CSF1R: variants seen among roughly 807,000 people sequenced by gnomAD.
CSF1R encodes macrophage colony-stimulating factor 1 receptor.
In CSF1R, 40 loss-of-function variants were observed where a neutral mutation model predicts 110.0. That is an observed-to-expected ratio of 0.36 (90% CI 0.28 to 0.47). The LOEUF is 0.47. CSF1R is among the 20% of genes least tolerant of loss of function. The probability of loss-of-function intolerance (pLI) is 0.99; values close to 1 mark genes in which losing one functional copy is unlikely to be tolerated. For missense variants in CSF1R, 1,052 were observed against 1,253.0 expected (o/e 0.84, Z 2.42); for synonymous variants, 523 against 503.4 (o/e 1.04, Z -0.52).
At chr5:150,063,658 G>C (rs368783614) in intron 10 of CSF1R, among the ~76,000 whole-genome samples, 1 of 152,092 alleles carries the variant, frequency 6.6e-6, no homozygotes, top group African/African-American at 2.4e-5. Flanking sequence ...CTGGGATGTG[G>C]GGAGGAGGAA....
chr5:150,059,950 T>C, intron 13 of CSF1R, 88 bp from the exon 14 acceptor site: 1 of 1,431,946 alleles, frequency 7.0e-7, no homozygotes, highest in South Asian at 1.3e-5. Context: ...GTGAGGCCAC[T>C]GGACTTGGAC....
chr5:150,099,020 A>C (rs1318478555), intron 1 of CSF1R, among the ~76,000 whole-genome samples: 1 of 150,746 alleles, frequency 6.6e-6, no homozygotes, highest in Non-Finnish European at 1.5e-5. Context: ...CAACCTCCCA[A>C]GTAGCTGGGA....
intron 1 of CSF1R, among the ~76,000 whole-genome samples, chr5:150,103,059 G>T (rs1368344315): frequency 2.6e-5 from 4 of 152,208 alleles, no homozygotes; most frequent in African/African-American, 7.2e-5. Flanking sequence ...GAAGTGCATA[G>T]CTCTATTGCA....
In CSF1R at chr5:150,094,863, G is replaced by A. The variant is rs1297629601; in HGVS notation, c.-180-8256C>T. 1.6e-5 allele frequency: 20 copies of A among 1,232,172 alleles called. 3 individuals carry two copies. Among genetic ancestry groups the A allele is most frequent in the Middle Eastern group, 4.5e-4 (2 of 4,480 alleles). 76.3% of individuals were successfully genotyped at this position (1,232,172 alleles called of 1,614,324 possible). A position where few individuals can be genotyped will look rare whatever the true frequency, so the allele number is the denominator to read the frequency against. On this transcript the variant is annotated intron_variant, in intron 1 of 21. Transcript: ENST00000286301. ...TGGTAAATACGGCATCATCTGCGTGGAGGATTTGATTCATGAGATCTATAC... is the reference window on the plus strand; with the variant it reads ...TGGTAAATACGGCATCATCTGCGTGAAGGATTTGATTCATGAGATCTATAC...
rs149168939 is a variant in CSF1R at position 150,077,284 on chromosome 5, C to A, written c.881G>T (p.Arg294Leu). The A allele has an allele frequency of 6.2e-7, 1 of 1,614,214 alleles. No homozygotes were observed. Among genetic ancestry groups the A allele is most frequent in the African/African-American group, 1.3e-5 (1 of 75,060 alleles). Residue 294 changes from arginine to leucine, a missense_variant, in exon 5 of 21, where the codon CGG (arginine) becomes CTG (leucine). Arg to Leu is a moderately radical substitution (Grantham distance 102). This residue lies in a region of CSF1R where 693 missense variants were observed against 735.4 expected (regional missense o/e 0.94). Transcript: ENST00000675795. ...ACCACCCTGATGCTTACCTACCACC[C>A]GGAAGAACATGGAGGTGGAGTGCTT... The part of the protein sequence containing the change: ...QGKHSTSMFF[R>L]VVESAYLNLS...
At chr5:150,101,850 C>T (rs73277704) in intron 1 of CSF1R, among the ~76,000 whole-genome samples, 7,224 of 152,036 alleles carry the variant, frequency 0.048, 233 homozygotes, top group African/African-American at 0.089. Context: ...CGAGCTCATC[C>T]ATCTGTCCAC....
At chr5:150,058,914 C>T (rs554399240) in intron 14 of CSF1R, among the ~76,000 whole-genome samples, 20 of 152,286 alleles carry the variant, frequency 1.3e-4, no homozygotes, top group African/African-American at 4.8e-4. Context: ...GTCCAGGCTC[C>T]ACCTCTAACC....
chr5:150,102,925 C>T (rs1036167374), intron 1 of CSF1R, among the ~76,000 whole-genome samples: 3 of 152,202 alleles, frequency 2.0e-5, no homozygotes, highest in African/African-American at 4.8e-5. Flanking sequence ...GTAGTCAAAT[C>T]TGTTGTCTTT....
At chr5:150,063,449 C>T (rs1581294992) in intron 10 of CSF1R, among the ~76,000 whole-genome samples, 1 of 152,026 alleles carries the variant, frequency 6.6e-6, no homozygotes, top group East Asian at 1.9e-4. Context: ...TGGGCTCAAG[C>T]AATCCTTCTG....
At chr5:150,105,933 C>A (rs1480930976) in intron 1 of CSF1R, among the ~76,000 whole-genome samples, 1 of 152,206 alleles carries the variant, frequency 6.6e-6, no homozygotes, top group Non-Finnish European at 1.5e-5. Flanking sequence ...CTATTAATTA[C>A]GCCATTTTGC....
chr5:150,098,314 G>A (rs534417835), intron 1 of CSF1R: 1 of 152,152 alleles, frequency 6.6e-6, no homozygotes, highest in South Asian at 2.1e-4. Context: ...ACAAGAAATA[G>A]AGAAAATCTT....
chr5:150,093,361 G>A (rs890982372), intron 1 of CSF1R, among the ~76,000 whole-genome samples: 2 of 152,114 alleles, frequency 1.3e-5, no homozygotes, highest in Non-Finnish European at 2.9e-5. Flanking sequence ...TTACAGGTGT[G>A]AGCCACAGCA....
chr5:150,105,909 A>T (rs1165264939), intron 1 of CSF1R, among the ~76,000 whole-genome samples: 1 of 152,206 alleles, frequency 6.6e-6, no homozygotes, highest in Non-Finnish European at 1.5e-5. Context: ...TGCTTTTAAC[A>T]CATGAGGCTG....
intron 1 of CSF1R, among the ~76,000 whole-genome samples, chr5:150,083,854 C>G (rs915979144): frequency 4.6e-5 from 7 of 152,160 alleles, no homozygotes; most frequent in African/African-American, 7.2e-5. Context: ...ATTGACTGTT[C>G]CCCTACCTGC....
In CSF1R at chr5:150,054,019, G is replaced by A. The variant is rs764061608; in HGVS notation, c.*50C>T. On this transcript the variant is annotated 3_prime_UTR_variant, in exon 21 of 21. Transcript: ENST00000675795. ...CTCCCCGTGTCGCCCCATCCATGGAGGAGTTGAAGTTTGTGGGAGGGGAGA... is the reference window on the plus strand; with the variant it reads ...CTCCCCGTGTCGCCCCATCCATGGAAGAGTTGAAGTTTGTGGGAGGGGAGA... The A allele has an allele frequency of 1.3e-6, 2 of 1,572,522 alleles. No individual in the cohort carries two copies. Among genetic ancestry groups the A allele is most frequent in the Admixed American group, 1.7e-5 (1 of 58,946 alleles).
intron 6 of CSF1R, among the ~76,000 whole-genome samples, chr5:150,071,800 C>A (rs184350267): frequency 6.6e-6 from 1 of 152,284 alleles, no homozygotes; most frequent in East Asian, 1.9e-4. Flanking sequence ...AGATTCAGAA[C>A]TTCTGCTTTA....
In CSF1R at chr5:150,078,212, G is replaced by T. The variant is rs747714426; in HGVS notation, c.629C>A (p.Ala210Glu). 47 of 1,613,992 alleles carry T rather than the reference G, an allele frequency of 2.9e-5. No homozygotes were observed. The highest frequency in any genetic ancestry group is 3.6e-5 in the Non-Finnish European group (42 of 1,180,014). The part of the protein sequence containing the change: ...PGPPALTLVP[A>E]ELVRIRGEAA... ...CTCCCCTCGAATCCGCACCAGCTCT[G>T]CAGGCACCAGTGTCAAGGCTGGGGG... Residue 210 changes from alanine (A) to glutamate (E), a missense_variant, in exon 4 of 21, where the codon GCA becomes GAA. Physicochemically the swap from Ala to Glu is moderately radical, Grantham distance 107. Transcript: ENST00000675795.
At chr5:150,074,086 A>ACTACAAGGCGGATAGTCGGAGTC (rs1758148625) in intron 5 of CSF1R, among the ~76,000 whole-genome samples, 1 of 152,176 alleles carries the variant, frequency 6.6e-6, no homozygotes, top group Non-Finnish European at 1.5e-5. Context: ...TGGATCAGAT[A>ACTACAAGGCGGATAGTCGGAGTC]CTACAAGGCG....
chr5:150,066,487 C>G (rs1757779886), intron 10 of CSF1R, among the ~76,000 whole-genome samples: 1 of 152,146 alleles, frequency 6.6e-6, no homozygotes, highest in Non-Finnish European at 1.5e-5. Context: ...TAGAGAACAC[C>G]CAGACCCATG....
Sources: allele counts gnomAD v4.1 joint callset (sites outside exome capture counted in the v4.1 genomes callset), GRCh38; gene constraint gnomAD v4.1.1; regional missense constraint gnomAD v4.1.1; transcripts MANE v1.5; gene names NCBI Gene and HGNC (gene_info 2026-07-23, HGNC 2026-07-21).